The following STK39 variants were observed in gnomAD, a reference collection of about 807,000 sequenced individuals.
STK39 encodes the protein serine/threonine kinase 39, also known as STE20/SPS1-related proline-alanine-rich protein kinase.
Under a neutral mutation model 77.8 loss-of-function variants are expected in STK39, and 20 were observed. The ratio of observed to expected loss-of-function variants is 0.26; its 90% CI spans 0.18 to 0.37. STK39 has a LOEUF of 0.37. Ranked by LOEUF, STK39 falls within the 10% of genes least tolerant of loss-of-function variation. STK39 has a pLI of 1.00. For missense variants in STK39, 479 were observed against 656.5 expected (o/e 0.73, Z 2.95); for synonymous variants, 246 against 234.1 (o/e 1.05, Z -0.47).
At chr2:168,042,309 C>G (rs1284930660) in intron 14 of STK39, among the ~76,000 whole-genome samples, 1 of 152,210 alleles carries the variant, frequency 6.6e-6, no homozygotes, top group Non-Finnish European at 1.5e-5. Flanking sequence ...AATGCTTACT[C>G]AACTTTCAGT....
rs371322606 is a variant in STK39 at position 168,174,177 on chromosome 2, C to A, written c.322-6770G>T. Among the ~76,000 whole-genome samples, 18 of 152,038 alleles carry A rather than the reference C, an allele frequency of 1.2e-4. No homozygotes were observed. In the East Asian group the frequency reaches 1.5e-3, roughly 13 times the overall value. Reference sequence around the variant, plus strand: ...AAGGAAAGCATAAATTTTGTGATAGCCTTAATTGGTGTTTGTAGAGAAGTT... The same window carrying A: ...AAGGAAAGCATAAATTTTGTGATAGACTTAATTGGTGTTTGTAGAGAAGTT... On this transcript the variant is annotated intron_variant, in intron 2 of 17. Transcript: ENST00000355999.
intron 10 of STK39, among the ~76,000 whole-genome samples, chr2:168,126,334 AG>A (rs1182961052): frequency 6.6e-6 from 1 of 151,670 alleles, no homozygotes; most frequent in Non-Finnish European, 1.5e-5. Flanking sequence ...CAATCAAGAC[AG>A]TCTAAGAACA....
At chr2:168,010,263 G>A (rs183908730) in intron 16 of STK39, among the ~76,000 whole-genome samples, 66 of 141,718 alleles carry the variant, frequency 4.7e-4, no homozygotes, top group Admixed American at 2.0e-3. Flanking sequence ...AAGGTTTGCA[G>A]GGTCTCCTGA....
At chr2:168,060,655 T>C (rs920379028) in intron 14 of STK39, among the ~76,000 whole-genome samples, 2 of 152,256 alleles carry the variant, frequency 1.3e-5, no homozygotes, top group African/African-American at 4.8e-5. Context: ...ATTTCTATTA[T>C]TTGAAAGTGT....
At chr2:168,190,418 C>G (rs537935020) in intron 1 of STK39, among the ~76,000 whole-genome samples, 35 of 152,196 alleles carry the variant, frequency 2.3e-4, no homozygotes, top group Non-Finnish European at 4.7e-4. Flanking sequence ...AAGCTCTCTG[C>G]CTTCAGGCAT....
At chr2:168,164,728 GAT>G (rs1227428123) in intron 3 of STK39, among the ~76,000 whole-genome samples, 2 of 152,070 alleles carry the variant, frequency 1.3e-5, no homozygotes, top group Non-Finnish European at 2.9e-5. Flanking sequence ...TCATTTACCT[GAT>G]ATATTTGAGG....
rs544282095 is a variant in STK39 at position 167,977,481 on chromosome 2, T to C, written c.1499-12755A>G. On this transcript the variant is annotated intron_variant, in intron 16 of 17. Coordinates refer to ENST00000355999, the MANE Select transcript of STK39 (RefSeq NM_013233.3). The stretch of plus-strand genomic sequence containing the variant: ...AGAAAGTAGAAATAACAATGCTGTA[T>C]GGAAAATGGCTAAACTTGAAATAAA... Among the ~76,000 whole-genome samples the C allele has an allele frequency of 1.1e-3, 173 of 151,308 alleles. 2 individuals are homozygous for C. The highest frequency in any genetic ancestry group is 3.7e-3 in the African/African-American group (152 of 41,178).
chr2:168,118,106 T>C (rs758149432), intron 10 of STK39, among the ~76,000 whole-genome samples: 1 of 152,020 alleles, frequency 6.6e-6, no homozygotes, highest in Non-Finnish European at 1.5e-5. Context: ...GGTCAGCACC[T>C]AGTAGGTTAC....
chr2:168,194,097 T>C (rs1421520679), intron 1 of STK39, among the ~76,000 whole-genome samples: 1 of 152,082 alleles, frequency 6.6e-6, no homozygotes, highest in Non-Finnish European at 1.5e-5. Context: ...AATTCAGAAA[T>C]GTATGTGTAT....
At chr2:168,108,068 T>C (rs561246557) in intron 10 of STK39, among the ~76,000 whole-genome samples, 1 of 152,344 alleles carries the variant, frequency 6.6e-6, no homozygotes, top group African/African-American at 2.4e-5. Flanking sequence ...ATGTATGACA[T>C]TCTAAATTGT....
At chr2:168,175,013 C>T (rs1165212594) in intron 2 of STK39, among the ~76,000 whole-genome samples, 1 of 152,038 alleles carries the variant, frequency 6.6e-6, no homozygotes, top group African/African-American at 2.4e-5. Flanking sequence ...TGTGGTATCG[C>T]CTGTGGCACC....
chr2:168,138,127 T>A lies in STK39; in HGVS notation c.935A>T (p.Lys312Ile), dbSNP rs1258618607. Reference sequence around the variant, plus strand: ...TTTCTGAAGACACAGTGAAAGTAATTTTCTAAAGGACTTGCCGTACTTTTT... The same window carrying A: ...TTTCTGAAGACACAGTGAAAGTAATATTCTAAAGGACTTGCCGTACTTTTT... ...MMKKYGKSFR[K>I]LLSLCLQKDP... The change falls in exon 8 of 18, where the codon AAA becomes ATA. Residue 312 changes from lysine (K) to isoleucine (I), a missense_variant. Around this residue, in one of 3 missense-constraint regions of STK39, gnomAD observed 244 missense variants for 296.8 expected, o/e 0.82. Transcript: ENST00000355999. The A allele has an allele frequency of 2.0e-5, 32 of 1,613,888 alleles. No homozygotes were observed. Among genetic ancestry groups the A allele is most frequent in the Non-Finnish European group, 2.7e-5 (32 of 1,179,926 alleles).
chr2:168,098,048 G>A (rs1204105115), intron 10 of STK39, among the ~76,000 whole-genome samples: 1 of 152,192 alleles, frequency 6.6e-6, no homozygotes, highest in Non-Finnish European at 1.5e-5. Context: ...ATCATATGGG[G>A]TAAGTGAAAC....
chr2:168,123,008 T>C (rs1046208220), intron 10 of STK39, among the ~76,000 whole-genome samples: 27 of 152,232 alleles, frequency 1.8e-4, no homozygotes, highest in Non-Finnish European at 3.5e-4. Flanking sequence ...AAAGTGAACG[T>C]TGCCAGTAAA....
chr2:168,227,850 G>A (rs1690347301), intron 1 of STK39, among the ~76,000 whole-genome samples: 1 of 143,224 alleles, frequency 7.0e-6, no homozygotes, highest in East Asian at 2.3e-4. Flanking sequence ...GTAGAGATGG[G>A]GTTTCACCGT....
At chr2:167,970,882 T>C (rs111832678) in intron 16 of STK39, among the ~76,000 whole-genome samples, 2 of 151,176 alleles carry the variant, frequency 1.3e-5, no homozygotes, top group Non-Finnish European at 2.9e-5. Context: ...TGTTACTTTA[T>C]TTTTTTTGTC....
chr2:168,142,682 T>C (rs913967056), intron 5 of STK39, among the ~76,000 whole-genome samples: 1 of 152,240 alleles, frequency 6.6e-6, no homozygotes, highest in African/African-American at 2.4e-5. Context: ...ATATCTGTAA[T>C]GATACATACA....
chr2:168,130,346 G>A (rs1466154474), intron 8 of STK39, among the ~76,000 whole-genome samples: 1 of 152,178 alleles, frequency 6.6e-6, no homozygotes, highest in Non-Finnish European at 1.5e-5. Context: ...TTTCCTCATG[G>A]TGTCATTCAA....
chr2:168,040,749 C>A (rs931925381), intron 14 of STK39, among the ~76,000 whole-genome samples: 2 of 152,086 alleles, frequency 1.3e-5, no homozygotes, highest in Admixed American at 6.5e-5. Flanking sequence ...ATTTCTGAAA[C>A]CCCAGGACTA....
Sources: allele counts gnomAD v4.1 joint callset (sites outside exome capture counted in the v4.1 genomes callset), GRCh38; gene constraint gnomAD v4.1.1; regional missense constraint gnomAD v4.1.1; transcripts MANE v1.5; gene names NCBI Gene and HGNC (gene_info 2026-07-23, HGNC 2026-07-21).